CUX1: variants seen among roughly 807,000 people sequenced by gnomAD.
CUX1 encodes cut like homeobox 1.
In CUX1, 31 loss-of-function variants were observed where a neutral mutation model predicts 158.8. That is an observed-to-expected ratio of 0.20 (90% CI 0.15 to 0.26). The LOEUF is 0.26. Among genes scored for constraint, CUX1 ranks in the 10% least tolerant of loss-of-function variants. The pLI, the probability that CUX1 is intolerant of heterozygous loss-of-function variation, is 1.00. For synonymous variants in CUX1, 879 were observed against 862.1 expected, an observed-to-expected ratio of 1.02 and a Z score of -0.34; for missense variants, 1,589 against 2,014.6, an observed-to-expected ratio of 0.79 and a Z score of 4.04.
chr7:101,995,395 T>G (rs190203139), intron 2 of CUX1, among the ~76,000 whole-genome samples: 1 of 152,342 alleles, frequency 6.6e-6, no homozygotes, highest in African/African-American at 2.4e-5. Context: ...TGAATGTGTC[T>G]CTATCCCTCC....
intron 1 of CUX1, among the ~76,000 whole-genome samples, chr7:101,836,912 G>A (rs1029367846): frequency 3.9e-5 from 6 of 152,166 alleles, no homozygotes; most frequent in African/African-American, 1.4e-4. Flanking sequence ...AAAGATGGAA[G>A]GAACCTGGGC....
At chr7:102,111,949 T>G in intron 7 of CUX1, 175 bp downstream of exon 7, 9 of 576,076 alleles carry the variant, frequency 1.6e-5, no homozygotes, top group Non-Finnish European at 2.8e-5. Flanking sequence ...CTGCGCCTCA[T>G]TCCTCACTGA....
intron 8 of CUX1, among the ~76,000 whole-genome samples, chr7:102,130,435 CT>C (rs1833089785): frequency 6.6e-6 from 1 of 152,184 alleles, no homozygotes; most frequent in African/African-American, 2.4e-5. Context: ...AACTCCATCA[CT>C]TTGGGAGGCT....
At chr7:102,014,898 G>A (rs899540422) in intron 2 of CUX1, among the ~76,000 whole-genome samples, 1 of 151,284 alleles carries the variant, frequency 6.6e-6, no homozygotes. Flanking sequence ...TAAAAATTGT[G>A]AGGTTACCGC....
intron 8 of CUX1, among the ~76,000 whole-genome samples, chr7:102,133,035 T>C (rs1833499558): frequency 6.6e-6 from 1 of 152,268 alleles, no homozygotes; most frequent in East Asian, 1.9e-4. Context: ...CTGCCACCAG[T>C]ATCTCCCTGG....
In CUX1 at chr7:102,249,320, A is replaced by C; in HGVS notation, c.*278A>C. The stretch of plus-strand genomic sequence containing the variant: ...GGCCCAGACCCAGCCCGCGGCCTGG[A>C]CCCCTGGACCGCTTTGCGCACTTAC... On this transcript the variant is annotated 3_prime_UTR_variant, in exon 24 of 24. Transcript: ENST00000292535. 1 of 1,023,286 alleles carries C rather than the reference A, an allele frequency of 9.8e-7. No homozygotes were observed. Among genetic ancestry groups the C allele is most frequent in the Non-Finnish European group, 1.2e-6 (1 of 854,044 alleles). 63.4% of individuals were successfully genotyped at this position (1,023,286 alleles called of 1,614,324 possible). A position where few individuals can be genotyped will look rare whatever the true frequency, so the allele number is the denominator to read the frequency against.
chr7:102,190,196 A>G (rs1554516611), intron 12 of CUX1, among the ~76,000 whole-genome samples: 1 of 152,186 alleles, frequency 6.6e-6, no homozygotes, highest in Non-Finnish European at 1.5e-5. Context: ...AAATTCCCCA[A>G]ACAGAAACAA....
chr7:102,213,482 G>A (rs62484932), intron 20 of CUX1, among the ~76,000 whole-genome samples: 2 of 152,188 alleles, frequency 1.3e-5, no homozygotes, highest in African/African-American at 4.8e-5. Context: ...CATAACTCTC[G>A]TTCTTCCCGT....
intron 3 of CUX1, among the ~76,000 whole-genome samples, chr7:102,030,521 C>G (rs1466066581): frequency 9.9e-5 from 15 of 152,066 alleles, no homozygotes; most frequent in Non-Finnish European, 2.1e-4. Flanking sequence ...AAATATCACA[C>G]CTGGGAAAAT....
intron 2 of CUX1, among the ~76,000 whole-genome samples, chr7:101,986,642 A>AG (rs1224600441): frequency 6.6e-6 from 1 of 152,178 alleles, no homozygotes; most frequent in Non-Finnish European, 1.5e-5. Flanking sequence ...TGCTGCCTGG[A>AG]GGCATGCCCT....
intron 1 of CUX1, among the ~76,000 whole-genome samples, chr7:101,884,247 T>C (rs1026102326): frequency 1.3e-5 from 2 of 152,198 alleles, no homozygotes; most frequent in African/African-American, 4.8e-5. Context: ...GGAGTACTTG[T>C]GATGTTTTGG....
At chr7:102,023,892 G>A (rs1241198315) in intron 2 of CUX1, among the ~76,000 whole-genome samples, 1 of 152,148 alleles carries the variant, frequency 6.6e-6, no homozygotes, top group Non-Finnish European at 1.5e-5. Flanking sequence ...TATCAAAAAG[G>A]TTATTTTTGT....
intron 23 of CUX1, among the ~76,000 whole-genome samples, chr7:102,244,278 T>G (rs1176286520): frequency 6.6e-6 from 1 of 152,142 alleles, no homozygotes; most frequent in African/African-American, 2.4e-5. Flanking sequence ...TCTTTTCTCC[T>G]GTCCCACTGG....
In CUX1 at chr7:102,277,944, C is replaced by G. The variant is rs371475257; in HGVS notation, c.1564-5C>G. The G allele has an allele frequency of 7.1e-5, 107 of 1,500,202 alleles. 1 individual carries two copies. Among genetic ancestry groups the G allele is most frequent in the Middle Eastern group, 3.9e-4 (2 of 5,194 alleles). 92.9% of individuals were successfully genotyped at this position (1,500,202 alleles called of 1,614,324 possible). On this transcript the variant is annotated splice_region_variant and splice_polypyrimidine_tract_variant and intron_variant, in intron 17 of 22. Coordinates refer to the CUX1 transcript ENST00000292538. ...CCACCCCTTTCCTTGCCCCTCCCCC[C>G]CCAGGAGAACCGCCTGGCCCAGCAC...
chr7:102,090,939 T>C (rs1320394780), intron 4 of CUX1, among the ~76,000 whole-genome samples: 3 of 152,172 alleles, frequency 2.0e-5, no homozygotes. Context: ...AGGGGTTAAG[T>C]AACTTGTCCA....
At chr7:102,059,440 C>T (rs1824521459) in intron 3 of CUX1, among the ~76,000 whole-genome samples, 1 of 151,948 alleles carries the variant, frequency 6.6e-6, no homozygotes, top group South Asian at 2.1e-4. Flanking sequence ...TCGAGACCAG[C>T]CTGGCCAACG....
intron 8 of CUX1, among the ~76,000 whole-genome samples, chr7:102,134,855 C>T (rs1554498300): frequency 6.6e-6 from 1 of 152,152 alleles, no homozygotes; most frequent in Admixed American, 6.6e-5. Flanking sequence ...CTCTCCCTCC[C>T]GAAGTTCTGG....
At chr7:102,171,730 G>C (rs1225040276) in intron 10 of CUX1, among the ~76,000 whole-genome samples, 2 of 152,086 alleles carry the variant, frequency 1.3e-5, no homozygotes, top group South Asian at 4.1e-4. Context: ...TTACAGGCAT[G>C]AGCCACCACG....
chr7:102,126,891 A>G (rs1554495442), intron 8 of CUX1, among the ~76,000 whole-genome samples: 1 of 152,240 alleles, frequency 6.6e-6, no homozygotes, highest in East Asian at 1.9e-4. Context: ...TTTTTCTGCA[A>G]CTACACAGTC....
Sources: allele counts gnomAD v4.1 joint callset (sites outside exome capture counted in the v4.1 genomes callset), GRCh38; gene constraint gnomAD v4.1.1; transcripts MANE v1.5; gene names NCBI Gene and HGNC (gene_info 2026-07-23, HGNC 2026-07-21).